DNAJC5B: variants seen among roughly 807,000 people sequenced by gnomAD.
DNAJC5B encodes dnaJ homolog subfamily C member 5B.
In DNAJC5B, 23 loss-of-function variants were observed where a neutral mutation model predicts 24.7. The ratio of observed to expected loss-of-function variants is 0.93; its 90% CI spans 0.67 to 1.32. The LOEUF is 1.32. Ranked by LOEUF, DNAJC5B falls within the 40% of genes most tolerant of loss-of-function variation. DNAJC5B has a pLI of 0.00. For missense variants in DNAJC5B, 238 were observed against 240.8 expected (o/e 0.99, Z 0.08); for synonymous variants, 101 against 90.1 (o/e 1.12, Z -0.68).
chr8:66,055,650 A>T (rs1806945527), intron 3 of DNAJC5B, among the ~76,000 whole-genome samples: 1 of 152,202 alleles, frequency 6.6e-6, no homozygotes, highest in East Asian at 1.9e-4. Context: ...CTAAATAAGC[A>T]TATATAGACC....
intron 5 of DNAJC5B, among the ~76,000 whole-genome samples, chr8:66,088,987 C>A (rs1807788824): frequency 6.6e-6 from 1 of 152,176 alleles, no homozygotes; most frequent in Non-Finnish European, 1.5e-5. Context: ...ATCTTTATAG[C>A]AGTACCCCAC....
intron 3 of DNAJC5B, among the ~76,000 whole-genome samples, chr8:66,068,602 A>G (rs1486205811): frequency 1.6e-5 from 2 of 124,652 alleles, no homozygotes; most frequent in African/African-American, 6.0e-5. Context: ...GATAAAAAAC[A>G]TAGAAGATTT....
At chr8:66,060,395 C>A (rs1586089825) in intron 3 of DNAJC5B, among the ~76,000 whole-genome samples, 1 of 152,176 alleles carries the variant, frequency 6.6e-6, no homozygotes, top group Non-Finnish European at 1.5e-5. Context: ...GGCTTGTATT[C>A]CTTTCTGGAA....
intron 5 of DNAJC5B, among the ~76,000 whole-genome samples, chr8:66,091,254 A>T (rs114364230): frequency 2.0e-5 from 3 of 152,192 alleles, no homozygotes; most frequent in Non-Finnish European, 4.4e-5. Flanking sequence ...CACATGAAGA[A>T]CTAGTTAATT....
intron 1 of DNAJC5B, among the ~76,000 whole-genome samples, chr8:66,032,586 C>T (rs182188549): frequency 2.5e-4 from 38 of 152,298 alleles, no homozygotes; most frequent in Admixed American, 2.2e-3. Context: ...GTCCTCAGAG[C>T]CACCAAGAGT....
intron 1 of DNAJC5B, among the ~76,000 whole-genome samples, chr8:66,030,413 C>G (rs913981040): frequency 3.9e-4 from 59 of 152,306 alleles, no homozygotes; most frequent in African/African-American, 1.4e-3. Context: ...ACTAAACATA[C>G]CATTTCTTCT....
chr8:66,079,920 G>A (rs1351928512), intron 4 of DNAJC5B, among the ~76,000 whole-genome samples: 1 of 152,114 alleles, frequency 6.6e-6, no homozygotes, highest in African/African-American at 2.4e-5. Context: ...GTGACCAGCA[G>A]GAATGTGAGT....
At chr8:66,055,419 G>A (rs532720517) in intron 3 of DNAJC5B, among the ~76,000 whole-genome samples, 34 of 152,208 alleles carry the variant, frequency 2.2e-4, no homozygotes, top group African/African-American at 7.5e-4. Context: ...ACACCACTTG[G>A]CCACTGTTAT....
intron 3 of DNAJC5B, among the ~76,000 whole-genome samples, chr8:66,063,415 A>T (rs1490569868): frequency 2.0e-5 from 3 of 152,358 alleles, no homozygotes; most frequent in Non-Finnish European, 1.5e-5. Context: ...TAATAGAAGA[A>T]TTGTAAATAT....
At chr8:66,098,610 A>G (rs777624637) in intron 5 of DNAJC5B, among the ~76,000 whole-genome samples, 1 of 151,572 alleles carries the variant, frequency 6.6e-6, no homozygotes, top group Non-Finnish European at 1.5e-5. Flanking sequence ...TTTCTTTCTG[A>G]AAGTTATGTT....
intron 5 of DNAJC5B, among the ~76,000 whole-genome samples, chr8:66,099,406 G>C (rs756103876): frequency 4.6e-5 from 7 of 152,202 alleles, no homozygotes; most frequent in Non-Finnish European, 1.0e-4. Flanking sequence ...TAACCATTTT[G>C]GGCACTAGCT....
intron 5 of DNAJC5B, among the ~76,000 whole-genome samples, chr8:66,097,090 A>C (rs1807969107): frequency 6.6e-6 from 1 of 152,132 alleles, no homozygotes; most frequent in African/African-American, 2.4e-5. Context: ...TAATATACAT[A>C]AAGTGCTAAG....
At chr8:66,059,173 G>T (rs950707887) in intron 3 of DNAJC5B, among the ~76,000 whole-genome samples, 2 of 152,226 alleles carry the variant, frequency 1.3e-5, no homozygotes, top group African/African-American at 4.8e-5. Flanking sequence ...AGGGGTTGAA[G>T]TCTAAGGCTC....
At chr8:66,092,680 G>T (rs932456892) in intron 5 of DNAJC5B, among the ~76,000 whole-genome samples, 5 of 151,892 alleles carry the variant, frequency 3.3e-5, no homozygotes, top group African/African-American at 1.2e-4. Context: ...ATTCTTTTTA[G>T]TATTACAACT....
chr8:66,097,103 C>T (rs1336186197), intron 5 of DNAJC5B, among the ~76,000 whole-genome samples: 1 of 151,906 alleles, frequency 6.6e-6, no homozygotes, highest in East Asian at 1.9e-4. Flanking sequence ...GTGCTAAGAA[C>T]ACTGCTGGAC....
At chr8:66,049,432 A>AT in intron 2 of DNAJC5B, among the ~76,000 whole-genome samples, 1 of 152,188 alleles carries the variant, frequency 6.6e-6, no homozygotes, top group East Asian at 1.9e-4. Context: ...TTCACACTAC[A>AT]TTTTTACGGT....
At chr8:66,018,939 C>A (rs530589661), upstream of DNAJC5B, among the ~76,000 whole-genome samples, 1 of 152,234 alleles carries the variant, frequency 6.6e-6, no homozygotes, top group African/African-American at 2.4e-5. Flanking sequence ...AGAGTGCCTG[C>A]TTCTGAAGAG....
intron 3 of DNAJC5B, among the ~76,000 whole-genome samples, chr8:66,059,580 C>T (rs1452694450): frequency 6.6e-6 from 1 of 152,188 alleles, no homozygotes; most frequent in Non-Finnish European, 1.5e-5. Context: ...TTTTTCTCTA[C>T]ATAACCTCAA....
At chr8:66,076,180 G>T (rs543362057) in intron 3 of DNAJC5B, among the ~76,000 whole-genome samples, 1 of 152,282 alleles carries the variant, frequency 6.6e-6, no homozygotes, top group South Asian at 2.1e-4. Context: ...ATTAATGAAG[G>T]GGTCTTAATT....
Sources: gnomAD v4.1 joint callset for allele counts (sites outside exome capture counted in the v4.1 genomes callset) on GRCh38, gnomAD v4.1.1 for gene constraint, MANE v1.5 for transcripts, NCBI Gene and HGNC (gene_info 2026-07-23, HGNC 2026-07-21) for gene names.